Variants in BYSL observed in about 807,000 individuals in gnomAD.
The protein encoded by BYSL is bystin like, also known as bystin.
A neutral mutation model predicts 45.4 loss-of-function variants in BYSL; 21 were observed. The ratio of observed to expected loss-of-function variants is 0.46; its 90% CI spans 0.33 to 0.67. The LOEUF (loss-of-function observed/expected upper bound fraction) is 0.67. BYSL is among the 30% of genes least tolerant of loss of function. BYSL has a pLI of 0.02. For missense variants in BYSL, 522 were observed against 578.5 expected (o/e 0.90, Z 1.00); for synonymous variants, 215 against 231.3 (o/e 0.93, Z 0.64).
chr6:41,918,012 A>G (rs1775359566), upstream of BYSL: 1 of 274,512 alleles, frequency 3.6e-6, no homozygotes, highest in South Asian at 3.2e-5. Flanking sequence ...GAATGGAACA[A>G]AACAAAAAAA....
chr6:41,918,026 C>T (rs115284879), upstream of BYSL: 1,289 of 272,468 alleles, frequency 4.7e-3, 16 homozygotes, highest in African/African-American at 0.026. Context: ...AAAAAAAAAA[C>T]GTTATTTCTA....
chr6:41,909,612 G>A, the BYSL span: 1 of 1,548,782 alleles, frequency 6.5e-7, no homozygotes, highest in Non-Finnish European at 8.8e-7. Flanking sequence ...AATGAGGCCA[G>A]ACAGCAATCT....
rs761454729 is a variant in BYSL, at chr6:41,932,336, C to G, written c.969-25C>G. On this transcript the variant is annotated intron_variant, in intron 6 of 6. Coordinates refer to ENST00000230340, the MANE Select transcript of BYSL (RefSeq NM_004053.4). The surrounding 1 kb of genome is among the most constrained non-coding windows in gnomAD (Gnocchi z 4.7). The stretch of plus-strand genomic sequence containing the variant: ...TCTTCCAATGTTTTCCCTGCTTACT[C>G]TACCCCACCTCCCTTTCCCACTAGT... 15 of 1,593,148 alleles carry G rather than the reference C, an allele frequency of 9.4e-6. No homozygotes were observed. In the African/African-American group the frequency reaches 1.7e-4, roughly 18 times the overall value.
chr6:41,918,637 C>T (rs1433492951), upstream of BYSL, among the ~76,000 whole-genome samples: 1 of 151,074 alleles, frequency 6.6e-6, no homozygotes, highest in Non-Finnish European at 1.5e-5. Context: ...CACGGTGAAA[C>T]CCCGTCTCTA....
chr6:41,921,570 A>G lies in BYSL; in HGVS notation c.8A>G (p.Lys3Arg), dbSNP rs747214685. 6.4e-7 allele frequency: 1 copy of G among 1,568,998 alleles called. No individual in the cohort carries two copies. Among genetic ancestry groups the G allele is most frequent in the Non-Finnish European group, 8.6e-7 (1 of 1,156,238 alleles). ...GCAACTTTTTCGAGAAAAATGCCCA[A>G]ATTCAAGGCGGCCCGTGGGGTGGGG... MP[K>R]FKAARGVGGQ... Residue 3 changes from lysine (K) to arginine (R), a missense_variant, in exon 1 of 7, where the codon AAA (lysine) becomes AGA (arginine). Transcript: ENST00000230340.
intron 1 of BYSL, among the ~76,000 whole-genome samples, chr6:41,922,439 G>A (rs1775498696): frequency 6.6e-6 from 1 of 152,208 alleles, no homozygotes; most frequent in African/African-American, 2.4e-5. Context: ...ACTAGGGAGG[G>A]AGTGTTGACC....
upstream of BYSL, chr6:41,920,779 A>C: frequency 2.0e-6 from 1 of 490,998 alleles, no homozygotes; most frequent in Non-Finnish European, 3.5e-6. Context: ...TAAAAAAAAC[A>C]AAACAAAACA....
At chr6:41,912,549 G>T in the BYSL span, among the ~76,000 whole-genome samples, 1 of 151,738 alleles carries the variant, frequency 6.6e-6, no homozygotes, top group Non-Finnish European at 1.5e-5. Flanking sequence ...TAGAGACAGG[G>T]TTTCCCCATG....
chr6:41,909,079 C>T, the BYSL span: 20 of 710,814 alleles, frequency 2.8e-5, no homozygotes, highest in Admixed American at 1.1e-4. Context: ...GAGACTGAGG[C>T]GGAAGGATCA....
rs1395712982 is a variant in BYSL at position 41,931,397 on chromosome 6, A to T, written c.706A>T (p.Ile236Phe). ...CTTCCCCCGCTTAACTCCCACTAGG[A>T]TTTTTGCCTCTAACCTGAAGGAACG... is the stretch of plus-strand genomic sequence containing the variant. Reference protein sequence around the residue: ...TAAAMYQATRIFASNLKERMA... With the variant: ...TAAAMYQATRFFASNLKERMA... The change falls in exon 5 of 7, where the codon ATT becomes TTT. Residue 236 changes from isoleucine (I) to phenylalanine (F), a missense_variant and splice_region_variant. By Grantham distance (21) the Ile-to-Phe change is conservative. Coordinates refer to ENST00000230340, the MANE Select transcript of BYSL (RefSeq NM_004053.4). The T allele has an allele frequency of 1.2e-6, 2 of 1,613,084 alleles. No homozygotes were observed. The highest frequency in any genetic ancestry group is 1.7e-6 in the Non-Finnish European group (2 of 1,179,492).
At chr6:41,918,936 A>AGAGC (rs1196922901), upstream of BYSL, among the ~76,000 whole-genome samples, 1 of 127,816 alleles carries the variant, frequency 7.8e-6, no homozygotes, top group Non-Finnish European at 1.6e-5. Flanking sequence ...CCTGGGCGAC[A>AGAGC]GAGCGAGACT....
rs75161932 is a variant in BYSL at position 41,932,157 on chromosome 6, G to A, written c.969-204G>A. Among the ~76,000 whole-genome samples, 219 of 152,240 alleles carry A rather than the reference G, an allele frequency of 1.4e-3. No homozygotes were observed. Among genetic ancestry groups the A allele is most frequent in the African/African-American group, 5.2e-3 (214 of 41,530 alleles). Reference sequence around the variant, plus strand: ...AAACAAGCAGTCTATGCTAGAGATAGAGATTTGGGTGGATCCCTGTAGAGA... The same window carrying A: ...AAACAAGCAGTCTATGCTAGAGATAAAGATTTGGGTGGATCCCTGTAGAGA... On this transcript the variant is annotated intron_variant, in intron 6 of 6. Transcript: ENST00000230340. This position sits in a 1 kb window ranked among gnomAD's most constrained non-coding sequence, Gnocchi z 4.7.
At chr6:41,921,170 C>T, upstream of BYSL, 2 of 991,028 alleles carry the variant, frequency 2.0e-6, no homozygotes, top group East Asian at 2.9e-5. Flanking sequence ...CCACGCCTTC[C>T]CCAAGGAATG....
At chr6:41,920,977 C>A, upstream of BYSL, 3 of 1,606,952 alleles carry the variant, frequency 1.9e-6, no homozygotes, top group Non-Finnish European at 2.5e-6. Context: ...CTCCAAGCCC[C>A]GCCCCACAAA....
chr6:41,933,030 G>C lies in BYSL; in HGVS notation c.*324G>C. On this transcript the variant is annotated 3_prime_UTR_variant, in exon 7 of 7. Transcript: ENST00000230340. Reference sequence around the variant, plus strand: ...TCAGGTCACTGTGGATAAAGGCAAAGACAGATATTTATTGAACCTCTGTGT... The same window carrying C: ...TCAGGTCACTGTGGATAAAGGCAAACACAGATATTTATTGAACCTCTGTGT... 3.1e-6 allele frequency: 1 copy of C among 319,566 alleles called. No homozygotes were observed. The highest frequency in any genetic ancestry group is 4.5e-5 in the South Asian group (1 of 22,258). 19.8% of individuals were successfully genotyped at this position (319,566 alleles called of 1,614,324 possible).
In BYSL at chr6:41,927,365, CT is replaced by C. The variant is rs760775987; in HGVS notation, c.269-8del. 1 of 1,613,702 alleles carries C rather than the reference CT, an allele frequency of 6.2e-7. No homozygotes were observed. Among genetic ancestry groups the C allele is most frequent in the East Asian group, 2.2e-5 (1 of 44,860 alleles). On this transcript the variant is annotated splice_polypyrimidine_tract_variant and splice_region_variant and intron_variant, in intron 1 of 6. Coordinates refer to ENST00000230340, the MANE Select transcript of BYSL (RefSeq NM_004053.4). ...GCTGTGCTCATCCATTTAGTCTCCCCTCTTCTAGGTCCAAGAATGCCTCAGG... is the reference window on the plus strand; with the variant it reads ...GCTGTGCTCATCCATTTAGTCTCCCCCTTCTAGGTCCAAGAATGCCTCAGG...
rs1163838131 is a variant in BYSL at position 41,932,804 on chromosome 6, C to T, written c.*98C>T. Reference sequence around the variant, plus strand: ...CACTGAGCTTTAATGGCTGAAGACCCAGATCAGGGCAGTGACAGATCACAG... The same window carrying T: ...CACTGAGCTTTAATGGCTGAAGACCTAGATCAGGGCAGTGACAGATCACAG... On this transcript the variant is annotated 3_prime_UTR_variant, in exon 7 of 7. Transcript: ENST00000230340. The surrounding 1 kb of genome is among the most constrained non-coding windows in gnomAD (Gnocchi z 4.7). The T allele has an allele frequency of 2.4e-6, 3 of 1,237,622 alleles. No homozygotes were observed. Among genetic ancestry groups the T allele is most frequent in the Non-Finnish European group, 3.3e-6 (3 of 896,940 alleles). The allele number at this position is 1,237,622 out of a possible 1,614,324, so 76.7% of individuals were successfully genotyped here.
intron 1 of BYSL, among the ~76,000 whole-genome samples, chr6:41,922,990 A>G (rs555136738): frequency 2.6e-5 from 4 of 152,222 alleles, no homozygotes; most frequent in East Asian, 1.9e-4. Flanking sequence ...CTGTAAGGAA[A>G]TTCTGATGAC....
At chr6:41,912,199 CTTTT>C in the BYSL span, among the ~76,000 whole-genome samples, 2 of 119,276 alleles carry the variant, frequency 1.7e-5, no homozygotes, top group East Asian at 4.6e-4. Context: ...CCATGCCCAC[CTTTT>C]TTTTTTTTTT....
Sources: allele counts gnomAD v4.1 joint callset (sites outside exome capture counted in the v4.1 genomes callset), GRCh38; gene constraint gnomAD v4.1.1; non-coding constraint Gnocchi (gnomAD v3.1); transcripts MANE v1.5; gene names NCBI Gene and HGNC (gene_info 2026-07-23, HGNC 2026-07-21).